The following CPM variants were observed in gnomAD, a reference collection of about 807,000 sequenced individuals.
CPM encodes the protein renal carboxypeptidase.
A neutral mutation model predicts 46.4 loss-of-function variants in CPM; 35 were observed. The observed-to-expected ratio is 0.75, with a 90% CI of 0.58 to 1.00. The LOEUF is 1.00. Ranked by LOEUF, CPM falls within the 50% of genes least tolerant of loss-of-function variation. The probability of loss-of-function intolerance (pLI) is 0.00; values close to 1 mark genes in which losing one functional copy is unlikely to be tolerated. For synonymous variants in CPM, 195 were observed against 195.3 expected (o/e 1.00, Z 0.01); for missense variants, 422 against 530.4 (o/e 0.80, Z 2.01).
At chr12:68,846,672 C>T (rs955348033), downstream of CPM, 1 of 152,150 alleles carries the variant, frequency 6.6e-6, no homozygotes, top group African/African-American at 2.4e-5. Flanking sequence ...GATTTTATCT[C>T]TGATGTTCTA....
At chr12:68,845,229 C>T (rs1884187507) in intron 5 of CPM, 1 of 216,872 alleles carries the variant, frequency 4.6e-6, no homozygotes, top group East Asian at 6.9e-5. Context: ...ATTTCTTCAG[C>T]TTAAAAAATT....
At chr12:68,897,569 C>T (rs1886926973) in intron 2 of CPM, among the ~76,000 whole-genome samples, 1 of 151,992 alleles carries the variant, frequency 6.6e-6, no homozygotes, top group Non-Finnish European at 1.5e-5. Flanking sequence ...AACCTCGTCT[C>T]TACTAAAGTT....
Position 68,932,664 on chromosome 12 carries a change from G to T in CPM, c.160+14C>A, listed in dbSNP as rs774153234. The T allele has an allele frequency of 3.1e-6, 5 of 1,612,648 alleles. No homozygotes were observed. Among genetic ancestry groups the T allele is most frequent in the Admixed American group, 3.3e-5 (2 of 59,954 alleles). On this transcript the variant is annotated intron_variant, in intron 2 of 8. Coordinates refer to ENST00000551568, the MANE Select transcript of CPM (RefSeq NM_198320.5). ...ACTGAGGGTTTGGCAAAGTGTTCAC[G>T]AGACGGACCCTACCTTTCACAGATT...
intron 6 of CPM, 61 bp from the exon 7 acceptor site, chr12:68,867,109 C>T (rs1274466980): frequency 1.8e-5 from 27 of 1,539,856 alleles, no homozygotes; most frequent in African/African-American, 5.5e-5. Context: ...CCAAGTATCA[C>T]GTGCCTCGGG....
intron 2 of CPM, among the ~76,000 whole-genome samples, chr12:68,927,592 G>T (rs1310662108): frequency 5.1e-4 from 77 of 151,974 alleles, no homozygotes; most frequent in African/African-American, 1.7e-3. Flanking sequence ...GTCAATTTTG[G>T]CTTTTGTTGC....
At chr12:68,881,698 A>G (rs1219329862) in intron 3 of CPM, among the ~76,000 whole-genome samples, 1 of 150,718 alleles carries the variant, frequency 6.6e-6, no homozygotes, top group African/African-American at 2.4e-5. Flanking sequence ...TAACATGAAC[A>G]TATGTTGATT....
intron 2 of CPM, among the ~76,000 whole-genome samples, chr12:68,895,630 G>T (rs1221357903): frequency 6.6e-6 from 1 of 152,062 alleles, no homozygotes; most frequent in Admixed American, 6.6e-5. Context: ...TTCAGATAGG[G>T]GTTCCCAGAA....
intron 1 of CPM, among the ~76,000 whole-genome samples, chr12:68,961,674 G>C (rs1889114174): frequency 6.6e-6 from 1 of 152,046 alleles, no homozygotes; most frequent in African/African-American, 2.4e-5. Flanking sequence ...AGCACTTTGG[G>C]AGGCAGAGGC....
chr12:68,946,199 T>C (rs1387670751), intron 1 of CPM, among the ~76,000 whole-genome samples: 5 of 152,170 alleles, frequency 3.3e-5, no homozygotes, highest in Non-Finnish European at 5.9e-5. Context: ...TAGGTTTTTT[T>C]TGAAACATAA....
At chr12:68,873,062 C>T (rs1265233747) in intron 3 of CPM, among the ~76,000 whole-genome samples, 3 of 152,148 alleles carry the variant, frequency 2.0e-5, no homozygotes, top group Non-Finnish European at 2.9e-5. Flanking sequence ...ATCAAATTCT[C>T]CCTATCATTT....
At chr12:68,931,243 A>AT (rs1888486282) in intron 2 of CPM, among the ~76,000 whole-genome samples, 5 of 152,126 alleles carry the variant, frequency 3.3e-5, no homozygotes, top group Admixed American at 2.0e-4. Flanking sequence ...CATAGCCTTG[A>AT]TTTTTTTGAA....
intron 3 of CPM, among the ~76,000 whole-genome samples, chr12:68,879,175 G>A (rs548876362): frequency 3.9e-5 from 6 of 152,260 alleles, no homozygotes; most frequent in African/African-American, 1.2e-4. Flanking sequence ...GTTACAGAGC[G>A]AGATCCCAAC....
At chr12:68,866,393 G>C (rs943401035) in intron 7 of CPM, among the ~76,000 whole-genome samples, 1 of 152,118 alleles carries the variant, frequency 6.6e-6, no homozygotes, top group Non-Finnish European at 1.5e-5. Flanking sequence ...GAGTACATTG[G>C]CACCATCTTG....
intron 2 of CPM, among the ~76,000 whole-genome samples, chr12:68,891,125 G>C (rs896615059): frequency 6.6e-6 from 1 of 152,254 alleles, no homozygotes; most frequent in African/African-American, 2.4e-5. Flanking sequence ...CTGCACTGTA[G>C]TGTGAGTTCC....
At chr12:68,951,663 C>T (rs1888937145) in intron 1 of CPM, among the ~76,000 whole-genome samples, 1 of 152,030 alleles carries the variant, frequency 6.6e-6, no homozygotes, top group African/African-American at 2.4e-5. Flanking sequence ...CCGTGCCAGC[C>T]CCCACCACCA....
At chr12:68,864,522 C>T (rs1197877945) in intron 7 of CPM, among the ~76,000 whole-genome samples, 1 of 152,212 alleles carries the variant, frequency 6.6e-6, no homozygotes, top group African/African-American at 2.4e-5. Context: ...AGGTATACTG[C>T]AATTTATATT....
chr12:68,928,764 G>C (rs555758680), intron 2 of CPM, among the ~76,000 whole-genome samples: 4 of 150,110 alleles, frequency 2.7e-5, no homozygotes, highest in Admixed American at 2.0e-4. Flanking sequence ...TTTTGAGACA[G>C]GGTCTTGCTC....
intron 2 of CPM, among the ~76,000 whole-genome samples, chr12:68,899,463 T>C (rs1380830638): frequency 1.3e-5 from 2 of 152,240 alleles, no homozygotes; most frequent in Admixed American, 6.5e-5. Context: ...GTTCTCAAAA[T>C]TATTGAGGAC....
intron 5 of CPM, chr12:68,845,285 A>G (rs569665159): frequency 4.7e-6 from 1 of 214,132 alleles, no homozygotes; most frequent in African/African-American, 2.3e-5. Context: ...GCCAGCTTTC[A>G]ATTATATGTA....
Sources: gnomAD v4.1 joint callset for allele counts (sites outside exome capture counted in the v4.1 genomes callset) on GRCh38, gnomAD v4.1.1 for gene constraint, MANE v1.5 for transcripts, NCBI Gene and HGNC (gene_info 2026-07-23, HGNC 2026-07-21) for gene names.